The following VPS13B variants were observed in gnomAD, a reference collection of about 807,000 sequenced individuals.
VPS13B encodes the protein intermembrane lipid transfer protein VPS13B.
VPS13B carries 285 observed loss-of-function variants against 426.4 expected under a neutral mutation model. The observed-to-expected ratio is 0.67, with a 90% CI of 0.61 to 0.74. VPS13B has a LOEUF of 0.74. Among genes scored for constraint, VPS13B ranks in the 30% least tolerant of loss-of-function variants. The pLI is 0.00. For missense variants in VPS13B, 4,537 were observed against 4,782.6 expected (o/e 0.95, Z 1.51); for synonymous variants, 1,676 against 1,676.4 (o/e 1.00, Z 0.01).
chr8:99,761,218 T>C (rs1463131325), intron 39 of VPS13B, among the ~76,000 whole-genome samples: 1 of 152,238 alleles, frequency 6.6e-6, no homozygotes, highest in Non-Finnish European at 1.5e-5. Context: ...CATACTTTGG[T>C]ATGTATCTCC....
At chr8:99,135,163 T>C (rs755085705) in intron 10 of VPS13B, 26 bp downstream of exon 10, 42 of 1,612,254 alleles carry the variant, frequency 2.6e-5, no homozygotes, top group Non-Finnish European at 3.5e-5. Flanking sequence ...CCATCCTTTT[T>C]TGGATAGGAT....
intron 59 of VPS13B, among the ~76,000 whole-genome samples, 176 bp from the exon 60 acceptor site, chr8:99,870,609 C>G (rs1180032522): frequency 6.6e-6 from 1 of 152,170 alleles, no homozygotes; most frequent in Non-Finnish European, 1.5e-5. Context: ...TGCAAGATCA[C>G]CAAGGTTAAG....
intron 28 of VPS13B, among the ~76,000 whole-genome samples, chr8:99,509,407 G>A (rs1029573124): frequency 6.6e-6 from 1 of 151,630 alleles, no homozygotes; most frequent in African/African-American, 2.4e-5. Flanking sequence ...TACTTTCCAG[G>A]GTTTTTTTAA....
At chr8:99,397,948 G>A (rs1269869676) in intron 21 of VPS13B, among the ~76,000 whole-genome samples, 1 of 152,174 alleles carries the variant, frequency 6.6e-6, no homozygotes, top group African/African-American at 2.4e-5. Flanking sequence ...CAACTTGTAT[G>A]TTCTAACTAA....
intron 33 of VPS13B, among the ~76,000 whole-genome samples, chr8:99,579,581 G>A (rs1327051992): frequency 6.6e-6 from 1 of 151,670 alleles, no homozygotes; most frequent in Non-Finnish European, 1.5e-5. Flanking sequence ...TGTATTTTTA[G>A]TAGAGACGGG....
intron 40 of VPS13B, among the ~76,000 whole-genome samples, chr8:99,767,623 T>C (rs1446087149): frequency 1.3e-5 from 2 of 151,894 alleles, no homozygotes; most frequent in Non-Finnish European, 2.9e-5. Flanking sequence ...AAAGCCTCAC[T>C]GGCCATAAAG....
chr8:99,087,298 C>G (rs562457125), intron 3 of VPS13B, among the ~76,000 whole-genome samples: 5 of 152,126 alleles, frequency 3.3e-5, no homozygotes, highest in African/African-American at 1.2e-4. Flanking sequence ...TTGCTAAGAC[C>G]GTTGGAAAAG....
At chr8:99,263,096 T>G (rs1818134638) in intron 17 of VPS13B, among the ~76,000 whole-genome samples, 1 of 152,152 alleles carries the variant, frequency 6.6e-6, no homozygotes, top group Non-Finnish European at 1.5e-5. Flanking sequence ...TTTTATTAAA[T>G]TATAGCTTTG....
intron 54 of VPS13B, among the ~76,000 whole-genome samples, chr8:99,838,958 G>C (rs1397662964): frequency 6.6e-6 from 1 of 152,262 alleles, no homozygotes; most frequent in African/African-American, 2.4e-5. Flanking sequence ...CCAAATGACA[G>C]AGGGTCGGAG....
In VPS13B at chr8:99,577,540, G is replaced by A; in HGVS notation, c.5127G>A (p.Leu1709=). Residue 1709 remains leucine, a synonymous_variant, in exon 33 of 62, where the codon CTG becomes CTA. Coordinates refer to ENST00000357162, the MANE Select transcript of VPS13B (RefSeq NM_152564.5). The part of the protein sequence containing the change: ...HSLEVNITTN[L]DFFLSVAQVQ... Reference sequence around the variant, plus strand: ...TAGAAGTGAATATAACCACAAACCTGGACTTCTTCCTAAGTGTGGCTCAAG... The same window carrying A: ...TAGAAGTGAATATAACCACAAACCTAGACTTCTTCCTAAGTGTGGCTCAAG... The A allele has an allele frequency of 6.2e-7, 1 of 1,613,814 alleles. No homozygotes were observed. The highest frequency in any genetic ancestry group is 8.5e-7 in the Non-Finnish European group (1 of 1,179,756).
chr8:99,817,652 T>A lies in VPS13B; in HGVS notation c.8210T>A (p.Phe2737Tyr). ...QDGQAVVREH[F>Y]DCLTAKQKLP... ...GGACAAGCTGTAGTTCGGGAACATT[T>A]TGACTGCCTCACAGCCAAACAGAAA... Residue 2737 changes from phenylalanine to tyrosine, a missense_variant, in exon 45 of 62, where the codon TTT becomes TAT. By Grantham distance (22) the Phe-to-Tyr change is conservative. Around this residue, in one of 2 missense-constraint regions of VPS13B, gnomAD observed 4,311 missense variants for 4,474.3 expected, o/e 0.96. Coordinates refer to ENST00000357162, the MANE Select transcript of VPS13B (RefSeq NM_152564.5). 2 of 1,614,066 alleles carry A rather than the reference T, an allele frequency of 1.2e-6. No homozygotes were observed. Among genetic ancestry groups the A allele is most frequent in the Non-Finnish European group, 1.7e-6 (2 of 1,179,990 alleles).
intron 3 of VPS13B, among the ~76,000 whole-genome samples, chr8:99,077,320 G>T (rs1380247462): frequency 6.6e-6 from 1 of 151,960 alleles, no homozygotes; most frequent in South Asian, 2.1e-4. Context: ...TTACAGGAAC[G>T]TGCCACCACA....
At chr8:99,095,551 G>A (rs529304102) in intron 3 of VPS13B, among the ~76,000 whole-genome samples, 11 of 152,214 alleles carry the variant, frequency 7.2e-5, no homozygotes, top group Admixed American at 7.2e-4. Context: ...TATTGCTTTT[G>A]TAGAATTAGT....
At chr8:99,363,245 G>T (rs1028514500) in intron 19 of VPS13B, among the ~76,000 whole-genome samples, 2 of 152,142 alleles carry the variant, frequency 1.3e-5, no homozygotes, top group African/African-American at 2.4e-5. Flanking sequence ...AGTTTTCCCA[G>T]CACCATTCAT....
chr8:99,697,561 G>A, intron 35 of VPS13B: 1 of 694,834 alleles, frequency 1.4e-6, no homozygotes, highest in Non-Finnish European at 2.6e-6. Context: ...ACTACAGCGA[G>A]AACATGCAAG....
At chr8:99,476,782 T>C (rs550165315) in intron 24 of VPS13B, among the ~76,000 whole-genome samples, 1 of 152,292 alleles carries the variant, frequency 6.6e-6, no homozygotes, top group East Asian at 1.9e-4. Context: ...GAGAAAAGAC[T>C]CTATCACCAG....
At chr8:99,427,596 T>C (rs1816798439) in intron 21 of VPS13B, among the ~76,000 whole-genome samples, 2 of 152,058 alleles carry the variant, frequency 1.3e-5, no homozygotes, top group South Asian at 4.1e-4. Context: ...GAAGGACCTC[T>C]TCAAGGAGAA....
rs1294837502 is a variant in VPS13B, at chr8:99,553,572, AT to A, written c.4746-2874del. Among the ~76,000 whole-genome samples the A allele has an allele frequency of 3.9e-5, 6 of 152,056 alleles. No homozygotes were observed. In the East Asian group the frequency reaches 1.2e-3, roughly 29 times the overall value. The stretch of plus-strand genomic sequence containing the variant: ...TGAATAGTTTTTCAATTACACATAT[AT>A]TTTATTTATCTTTATAATAGTCATA... On this transcript the variant is annotated intron_variant, in intron 30 of 61. Coordinates refer to ENST00000357162, the MANE Select transcript of VPS13B (RefSeq NM_152564.5).
At chr8:99,854,361 G>A in intron 56 of VPS13B, 105 bp downstream of exon 56, 1 of 1,259,068 alleles carries the variant, frequency 7.9e-7, no homozygotes, top group Non-Finnish European at 1.1e-6. Flanking sequence ...ATTGGCAAGA[G>A]GTGACACACC....
Sources: gnomAD v4.1 joint callset for allele counts (sites outside exome capture counted in the v4.1 genomes callset) on GRCh38, gnomAD v4.1.1 for gene constraint, gnomAD v4.1.1 regional missense constraint, MANE v1.5 for transcripts, NCBI Gene and HGNC (gene_info 2026-07-23, HGNC 2026-07-21) for gene names.